Variants in PTPRG observed in about 807,000 individuals in gnomAD.
PTPRG encodes the protein receptor-type tyrosine-protein phosphatase gamma.
Under a neutral mutation model 165.3 loss-of-function variants are expected in PTPRG, and 102 were observed. The observed-to-expected ratio is 0.62, with a 90% CI of 0.53 to 0.73. The LOEUF is 0.73. PTPRG is among the 30% of genes least tolerant of loss of function. The probability of loss-of-function intolerance (pLI) is 0.00; values close to 1 mark genes in which losing one functional copy is unlikely to be tolerated. For synonymous variants in PTPRG, 675 were observed against 669.5 expected (o/e 1.01, Z -0.13); for missense variants, 1,866 against 1,861.4 (o/e 1.00, Z -0.05).
chr3:62,126,289 G>A (rs1008958580), intron 5 of PTPRG, among the ~76,000 whole-genome samples: 2 of 152,162 alleles, frequency 1.3e-5, no homozygotes, highest in Non-Finnish European at 2.9e-5. Flanking sequence ...TAGATCAAAA[G>A]CACAAAATTC....
chr3:61,766,731 C>T (rs571289225), intron 2 of PTPRG, among the ~76,000 whole-genome samples: 266 of 151,884 alleles, frequency 1.8e-3, no homozygotes, highest in African/African-American at 5.6e-3. Flanking sequence ...ATTCTCCTGT[C>T]TCAGCCTCCC....
Position 62,272,199 on chromosome 3 carries a change from C to T in PTPRG, c.3182+644C>T, listed in dbSNP as rs145043533. Reference sequence around the variant, plus strand: ...TGACGTTAAACACAAGAACTTTCCACACTAGAATAGAGATTGTGTTTTTGT... The same window carrying T: ...TGACGTTAAACACAAGAACTTTCCATACTAGAATAGAGATTGTGTTTTTGT... On this transcript the variant is annotated intron_variant, in intron 21 of 29. Coordinates refer to ENST00000474889, the MANE Select transcript of PTPRG (RefSeq NM_002841.4). Among the ~76,000 whole-genome samples the T allele has an allele frequency of 2.4e-3, 361 of 152,226 alleles. 3 individuals carry two copies. Among genetic ancestry groups the T allele is most frequent in the African/African-American group, 8.1e-3 (337 of 41,564 alleles).
At chr3:62,176,443 G>T (rs767475796) in intron 8 of PTPRG, among the ~76,000 whole-genome samples, 2 of 152,128 alleles carry the variant, frequency 1.3e-5, no homozygotes, top group East Asian at 3.9e-4. Flanking sequence ...CCAAGGGACC[G>T]CCATCTTCCA....
intron 2 of PTPRG, among the ~76,000 whole-genome samples, chr3:61,902,935 A>G (rs529956000): frequency 4.7e-4 from 71 of 152,100 alleles, no homozygotes; most frequent in African/African-American, 1.6e-3. Context: ...TCGCCCCTCA[A>G]CTCAGCTCTC....
chr3:61,997,400 C>T (rs1490695304), intron 3 of PTPRG, among the ~76,000 whole-genome samples: 3 of 152,202 alleles, frequency 2.0e-5, no homozygotes, highest in Non-Finnish European at 2.9e-5. Flanking sequence ...GCTCACTGTC[C>T]GTGCCTCATG....
chr3:61,765,417 C>G (rs1425083722), intron 2 of PTPRG, among the ~76,000 whole-genome samples: 1 of 152,068 alleles, frequency 6.6e-6, no homozygotes, highest in East Asian at 1.9e-4. Context: ...TCTCTTGTGA[C>G]TATGCCATTT....
intron 6 of PTPRG, among the ~76,000 whole-genome samples, chr3:62,139,776 C>T (rs1411504466): frequency 6.6e-6 from 1 of 152,230 alleles, no homozygotes; most frequent in African/African-American, 2.4e-5. Context: ...GGGTCTCCCT[C>T]CACCTTTTTG....
At chr3:61,613,342 C>T (rs1701225002) in intron 1 of PTPRG, among the ~76,000 whole-genome samples, 1 of 152,132 alleles carries the variant, frequency 6.6e-6, no homozygotes, top group South Asian at 2.1e-4. Context: ...TTAAGCAAAG[C>T]ATCAGGATTG....
intron 4 of PTPRG, among the ~76,000 whole-genome samples, chr3:62,027,234 G>C (rs541179200): frequency 6.6e-6 from 1 of 152,232 alleles, no homozygotes; most frequent in African/African-American, 2.4e-5. Context: ...GTGTGGAGAA[G>C]ACCTAACTTC....
At chr3:62,291,416 C>A (rs1271384319) in intron 28 of PTPRG, among the ~76,000 whole-genome samples, 3 of 151,886 alleles carry the variant, frequency 2.0e-5, no homozygotes, top group African/African-American at 7.3e-5. Context: ...ACCTGGTATG[C>A]ATGTAGCAGA....
intron 7 of PTPRG, among the ~76,000 whole-genome samples, chr3:62,165,051 C>T (rs1456588785): frequency 2.0e-5 from 3 of 152,180 alleles, no homozygotes; most frequent in South Asian, 2.1e-4. Flanking sequence ...ATTAAACTCA[C>T]GTCTCTATGG....
chr3:62,292,436 A>T lies in PTPRG; in HGVS notation c.4071A>T (p.Ser1357=), dbSNP rs1702931382. The stretch of plus-strand genomic sequence containing the variant: ...TCTCCCCCAGGTATGGAGCAGTTTC[A>T]GCAGGAATGTTATGTGCCCTTACCA... ...TIVHDEYGAV[S]AGMLCALTTL... Residue 1357 remains serine (S), a synonymous_variant, in exon 29 of 30, where the codon TCA becomes TCT. Coordinates refer to ENST00000474889, the MANE Select transcript of PTPRG (RefSeq NM_002841.4). The T allele has an allele frequency of 6.2e-7, 1 of 1,612,866 alleles. No homozygotes were observed. The highest frequency in any genetic ancestry group is 1.3e-5 in the African/African-American group (1 of 74,780).
At chr3:61,765,310 C>A (rs1239211417) in intron 2 of PTPRG, among the ~76,000 whole-genome samples, 1 of 152,186 alleles carries the variant, frequency 6.6e-6, no homozygotes, top group East Asian at 1.9e-4. Context: ...TGGTGAAAAG[C>A]CTACCTCGTA....
At chr3:61,643,994 A>AT (rs1366774030) in intron 1 of PTPRG, among the ~76,000 whole-genome samples, 4 of 152,178 alleles carry the variant, frequency 2.6e-5, no homozygotes, top group African/African-American at 9.7e-5. Context: ...AACCAAATCC[A>AT]TTATGTACAC....
intron 4 of PTPRG, among the ~76,000 whole-genome samples, chr3:62,008,623 C>T (rs779177702): frequency 2.6e-5 from 4 of 152,198 alleles, no homozygotes; most frequent in Non-Finnish European, 4.4e-5. Context: ...TATAGCCCAG[C>T]GGTCCCCAAC....
intron 4 of PTPRG, among the ~76,000 whole-genome samples, chr3:62,021,859 T>TTC (rs1383280996): frequency 1.2e-5 from 1 of 85,962 alleles, no homozygotes; most frequent in Non-Finnish European, 2.2e-5. Context: ...TTCCTTTTCT[T>TTC]TTTTTTTTTT....
intron 2 of PTPRG, among the ~76,000 whole-genome samples, chr3:61,873,560 G>C (rs936426690): frequency 7.2e-5 from 11 of 152,116 alleles, no homozygotes; most frequent in African/African-American, 1.2e-4. Context: ...TGTCGGAAAA[G>C]AAAAATACTA....
At chr3:61,575,005 T>A (rs1047841869) in intron 1 of PTPRG, among the ~76,000 whole-genome samples, 1 of 152,128 alleles carries the variant, frequency 6.6e-6, no homozygotes, top group Non-Finnish European at 1.5e-5. Context: ...TCCACTAGGC[T>A]CCACTTCCCA....
chr3:61,839,078 G>A (rs2036549049), intron 2 of PTPRG, among the ~76,000 whole-genome samples: 1 of 152,056 alleles, frequency 6.6e-6, no homozygotes, highest in Admixed American at 6.5e-5. Flanking sequence ...TTTTAATATT[G>A]TAAGCAAATC....
Sources: gnomAD v4.1 joint callset for allele counts (sites outside exome capture counted in the v4.1 genomes callset) on GRCh38, gnomAD v4.1.1 for gene constraint, MANE v1.5 for transcripts, NCBI Gene and HGNC (gene_info 2026-07-23, HGNC 2026-07-21) for gene names.